The following THSD4 variants were observed in gnomAD, a reference collection of about 807,000 sequenced individuals.
The protein encoded by THSD4 is thrombospondin type-1 domain-containing protein 4.
In THSD4, 69 loss-of-function variants were observed where a neutral mutation model predicts 119.0. The ratio of observed to expected loss-of-function variants is 0.58; its 90% CI spans 0.48 to 0.71. THSD4 has a LOEUF of 0.71. Among genes scored for constraint, THSD4 ranks in the 30% least tolerant of loss-of-function variants. The pLI is 0.00. For synonymous variants in THSD4, 524 were observed against 540.4 expected (o/e 0.97, Z 0.42); for missense variants, 1,393 against 1,391.1 (o/e 1.00, Z -0.02).
intron 6 of THSD4, among the ~76,000 whole-genome samples, chr15:71,334,478 C>T (rs2045467296): frequency 6.6e-6 from 1 of 152,178 alleles, no homozygotes; most frequent in Admixed American, 6.5e-5. Context: ...ACTAAACATC[C>T]AATACAGTCA....
chr15:71,699,494 A>T (rs1335870041), intron 8 of THSD4, among the ~76,000 whole-genome samples: 1 of 152,228 alleles, frequency 6.6e-6, no homozygotes, highest in Non-Finnish European at 1.5e-5. Flanking sequence ...AAAGCCAATT[A>T]TTCCATTTGT....
chr15:71,174,195 G>A (rs1053178179), intron 3 of THSD4, among the ~76,000 whole-genome samples: 1 of 152,174 alleles, frequency 6.6e-6, no homozygotes, highest in Non-Finnish European at 1.5e-5. Context: ...CAGCGTGAGC[G>A]ACGCAGAAGA....
rs563998958 is a variant in THSD4 at position 71,155,859 on chromosome 15, T to G, written c.99+927T>G. On this transcript the variant is annotated intron_variant, in intron 3 of 17. Coordinates refer to ENST00000261862, the MANE Select transcript of THSD4 (RefSeq NM_024817.3). ...CCTTCTCTTTCCTCTCACCCCTTAT[T>G]TCCTGCTGGTGACTCCCTTTGGCCA... 2.6e-5 allele frequency among the ~76,000 whole-genome samples: 4 copies of G among 152,274 alleles called. No individual in the cohort carries two copies. The South Asian group carries it at 8.3e-4, about 32-fold the overall frequency.
chr15:71,659,399 C>G (rs115801516), intron 7 of THSD4, among the ~76,000 whole-genome samples: 1 of 152,100 alleles, frequency 6.6e-6, no homozygotes, highest in African/African-American at 2.4e-5. Flanking sequence ...TTGTGAAGAT[C>G]ATTCCATTTT....
intron 8 of THSD4, among the ~76,000 whole-genome samples, chr15:71,705,667 G>A (rs2052379686): frequency 6.6e-6 from 1 of 152,156 alleles, no homozygotes; most frequent in Admixed American, 6.5e-5. Flanking sequence ...AGGAGGAAAT[G>A]AGAAGCTCCT....
At chr15:71,759,442 T>TA (rs1315593976) in intron 15 of THSD4, among the ~76,000 whole-genome samples, 13 of 152,196 alleles carry the variant, frequency 8.5e-5, no homozygotes, top group African/African-American at 2.7e-4. Flanking sequence ...TTAAGGTTGT[T>TA]ACGAGGTTTT....
intron 6 of THSD4, among the ~76,000 whole-genome samples, chr15:71,366,545 A>G (rs752409759): frequency 9.2e-5 from 14 of 152,238 alleles, no homozygotes; most frequent in South Asian, 2.1e-4. Context: ...ATTTCCCATG[A>G]CAACACATGT....
At chr15:71,518,156 C>T (rs1433227302) in intron 7 of THSD4, among the ~76,000 whole-genome samples, 1 of 152,168 alleles carries the variant, frequency 6.6e-6, no homozygotes, top group African/African-American at 2.4e-5. Flanking sequence ...CTTAGGAGTA[C>T]AAAATTGAAA....
At chr15:71,756,099 G>A (rs1264342577) in intron 14 of THSD4, among the ~76,000 whole-genome samples, 2 of 152,224 alleles carry the variant, frequency 1.3e-5, no homozygotes, top group Non-Finnish European at 2.9e-5. Flanking sequence ...AAGTCCATAT[G>A]TGACTTCTGT....
intron 2 of THSD4, among the ~76,000 whole-genome samples, chr15:71,150,611 A>G (rs1378563874): frequency 6.6e-6 from 1 of 152,222 alleles, no homozygotes; most frequent in Non-Finnish European, 1.5e-5. Flanking sequence ...GTAAATGAAG[A>G]GAAGAAGCAT....
At chr15:71,702,130 C>G (rs2052302529) in intron 8 of THSD4, among the ~76,000 whole-genome samples, 1 of 152,044 alleles carries the variant, frequency 6.6e-6, no homozygotes, top group Non-Finnish European at 1.5e-5. Context: ...TCAGGTGCTC[C>G]CATCTGCTTG....
intron 10 of THSD4, 121 bp downstream of exon 10, chr15:71,731,338 A>G (rs2052976498): frequency 4.1e-6 from 4 of 978,706 alleles, no homozygotes; most frequent in Non-Finnish European, 6.3e-6. Context: ...TGAGGGACGC[A>G]TATTTCAAAG....
intron 5 of THSD4, among the ~76,000 whole-genome samples, chr15:71,245,826 A>T (rs969893222): frequency 4.1e-4 from 62 of 152,166 alleles, no homozygotes; most frequent in African/African-American, 1.5e-3. Flanking sequence ...AGTGGTGAGA[A>T]CTGCCCTGAA....
chr15:71,607,965 T>G (rs2050140006), intron 7 of THSD4, among the ~76,000 whole-genome samples: 1 of 152,170 alleles, frequency 6.6e-6, no homozygotes, highest in South Asian at 2.1e-4. Flanking sequence ...GGCTTACACC[T>G]GTAATCCCAG....
At chr15:71,550,678 G>A (rs2048913972) in intron 7 of THSD4, among the ~76,000 whole-genome samples, 1 of 152,176 alleles carries the variant, frequency 6.6e-6, no homozygotes, top group Admixed American at 6.5e-5. Context: ...CTGACCTCGT[G>A]ATCCGCCCAC....
chr15:71,659,924 G>T (rs540209698), intron 7 of THSD4, among the ~76,000 whole-genome samples: 1 of 152,250 alleles, frequency 6.6e-6, no homozygotes, highest in Admixed American at 6.5e-5. Context: ...CTCGTTTGTT[G>T]ATGATTCTGG....
chr15:71,442,674 A>G (rs376677117), intron 7 of THSD4, among the ~76,000 whole-genome samples: 4,160 of 52,180 alleles, frequency 0.08, 622 homozygotes, highest in East Asian at 0.2. Flanking sequence ...ATATATATAT[A>G]TATATATATA....
chr15:71,534,034 C>T (rs1423314280), intron 7 of THSD4, among the ~76,000 whole-genome samples: 1 of 152,178 alleles, frequency 6.6e-6, no homozygotes, highest in Non-Finnish European at 1.5e-5. Flanking sequence ...GTTGCCCTGG[C>T]TGGAGTACAT....
At chr15:71,553,513 G>T (rs2048965429) in intron 7 of THSD4, among the ~76,000 whole-genome samples, 1 of 152,052 alleles carries the variant, frequency 6.6e-6, no homozygotes, top group Non-Finnish European at 1.5e-5. Context: ...TTTCAGGAGA[G>T]ACTGGGTTTC....
Sources: gnomAD v4.1 joint callset for allele counts (sites outside exome capture counted in the v4.1 genomes callset) on GRCh38, gnomAD v4.1.1 for gene constraint, MANE v1.5 for transcripts, NCBI Gene and HGNC (gene_info 2026-07-23, HGNC 2026-07-21) for gene names.